The following SRPK1 variants were observed in gnomAD, a reference collection of about 807,000 sequenced individuals.
SRPK1 encodes SRSF protein kinase 1.
A neutral mutation model predicts 89.5 loss-of-function variants in SRPK1; 52 were observed. The observed-to-expected ratio is 0.58, with a 90% CI of 0.46 to 0.73. The LOEUF is 0.73. SRPK1 is among the 30% of genes least tolerant of loss of function. The pLI, the probability that SRPK1 is intolerant of heterozygous loss-of-function variation, is 0.00. For synonymous variants in SRPK1, 255 were observed against 270.2 expected (o/e 0.94, Z 0.55); for missense variants, 603 against 780.6 (o/e 0.77, Z 2.71).
At chr6:35,900,820 G>GT (rs1770725612) in intron 2 of SRPK1, among the ~76,000 whole-genome samples, 1 of 152,130 alleles carries the variant, frequency 6.6e-6, no homozygotes, top group Admixed American at 6.5e-5. Context: ...TTTAAAGATG[G>GT]TATGTTTGGG....
chr6:35,875,277 CAG>C (rs989015811), intron 6 of SRPK1, among the ~76,000 whole-genome samples: 1 of 144,402 alleles, frequency 6.9e-6, no homozygotes, highest in Non-Finnish European at 1.5e-5. Flanking sequence ...TTTTTTGAGA[CAG>C]AGTCTTGGCT....
chr6:35,864,475 A>C (rs922102818), intron 12 of SRPK1, among the ~76,000 whole-genome samples: 3 of 152,224 alleles, frequency 2.0e-5, no homozygotes, highest in Non-Finnish European at 4.4e-5. Flanking sequence ...CCATCAGAGA[A>C]AGGCAAATCA....
intron 14 of SRPK1, 94 bp from the exon 15 acceptor site, chr6:35,838,523 G>A: frequency 7.7e-7 from 1 of 1,306,470 alleles, no homozygotes; most frequent in Non-Finnish European, 1.1e-6. Flanking sequence ...GGAGCAGCAT[G>A]CACATCTCTT....
In SRPK1 at chr6:35,915,991, A is replaced by AAAT. The variant is rs1433969114; in HGVS notation, c.74+4476_74+4477insATT. 1.0e-2 allele frequency among the ~76,000 whole-genome samples: 861 copies of AAAT among 86,104 alleles called. 29 individuals are homozygous for AAAT. The highest frequency in any genetic ancestry group is 0.013 in the Non-Finnish European group (602 of 47,202). The allele number at this position is 86,104 out of a possible 152,430, so 56.5% of individuals were successfully genotyped here. ...TGTCTCAAAAACAAAAAAAAAAAAA[A>AAAT]ATATATACACACACACACACACACA... On this transcript the variant is annotated intron_variant, in intron 2 of 15. Transcript: ENST00000373825.
At chr6:35,850,835 T>C (rs913316506) in intron 13 of SRPK1, among the ~76,000 whole-genome samples, 2 of 152,038 alleles carry the variant, frequency 1.3e-5, no homozygotes, top group Non-Finnish European at 2.9e-5. Flanking sequence ...AATAAAGTAG[T>C]CAGGAAGACA....
chr6:35,904,451 T>C (rs950659059), intron 2 of SRPK1, among the ~76,000 whole-genome samples: 1 of 152,158 alleles, frequency 6.6e-6, no homozygotes, highest in Non-Finnish European at 1.5e-5. Context: ...AGAGATTACA[T>C]ACTACAGGCT....
chr6:35,857,399 C>T, intron 12 of SRPK1, 31 bp from the exon 13 acceptor site: 1 of 1,514,776 alleles, frequency 6.6e-7, no homozygotes, highest in South Asian at 1.2e-5. Flanking sequence ...ATATTTTAAA[C>T]TTCATTCTAA....
chr6:35,902,925 A>G lies in SRPK1; in HGVS notation c.75-11912T>C, dbSNP rs1770775310. Among the ~76,000 whole-genome samples the G allele has an allele frequency of 2.0e-5, 3 of 152,210 alleles. No individual in the cohort carries two copies. In the South Asian group the frequency reaches 6.2e-4, roughly 32 times the overall value. On this transcript the variant is annotated intron_variant, in intron 2 of 15. Coordinates refer to ENST00000373825, the MANE Select transcript of SRPK1 (RefSeq NM_003137.5). ...TAGAAAAAACCTGGCATCTCTGATC[A>G]AATTGCTAAGTGGAGGCACATCAAA...
intron 12 of SRPK1, among the ~76,000 whole-genome samples, chr6:35,862,624 T>C (rs1769803211): frequency 6.6e-6 from 1 of 151,936 alleles, no homozygotes; most frequent in Admixed American, 6.6e-5. Flanking sequence ...AACAAGTAAA[T>C]ATGACAGCAC....
At chr6:35,871,282 C>T (rs1770030922) in intron 8 of SRPK1, among the ~76,000 whole-genome samples, 1 of 152,146 alleles carries the variant, frequency 6.6e-6, no homozygotes, top group Admixed American at 6.5e-5. Context: ...ACCTCTTCAC[C>T]TCAAATGCTA....
intron 12 of SRPK1, among the ~76,000 whole-genome samples, chr6:35,859,385 A>T (rs1769729553): frequency 6.6e-6 from 1 of 152,162 alleles, no homozygotes; most frequent in African/African-American, 2.4e-5. Flanking sequence ...ATGATTGATA[A>T]GCAAAAAAAG....
At chr6:35,913,920 A>ATAACAAGC (rs1356277140) in intron 2 of SRPK1, among the ~76,000 whole-genome samples, 4 of 151,728 alleles carry the variant, frequency 2.6e-5, no homozygotes, top group African/African-American at 9.7e-5. Flanking sequence ...TGAAGGACCT[A>ATAACAAGC]TAACAAGCTG....
rs1242842408 is a variant in SRPK1 at position 35,842,187 on chromosome 6, T to C, written c.1690+348A>G. Among the ~76,000 whole-genome samples the C allele has an allele frequency of 7.2e-5, 11 of 152,112 alleles. No homozygotes were observed. In the South Asian group the frequency reaches 2.1e-3, roughly 29 times the overall value. On this transcript the variant is annotated intron_variant, in intron 14 of 15. Coordinates refer to ENST00000373825, the MANE Select transcript of SRPK1 (RefSeq NM_003137.5). ...TAAAATAACTGACCTCTAAATAAAT[T>C]TGGAGGCATAATTGAGCAACAGGTT...
chr6:35,883,484 T>G (rs1177650706), intron 6 of SRPK1, among the ~76,000 whole-genome samples: 1 of 152,104 alleles, frequency 6.6e-6, no homozygotes, highest in Admixed American at 6.5e-5. Context: ...AAACATAAAA[T>G]AGGATTGTAA....
At chr6:35,915,993 TATATACACACAC>T (rs1771088642) in intron 2 of SRPK1, among the ~76,000 whole-genome samples, 3 of 51,210 alleles carry the variant, frequency 5.9e-5, no homozygotes, top group African/African-American at 2.4e-4. Context: ...AAAAAAAAAA[TATATACACACAC>T]ACACACACAC....
intron 2 of SRPK1, among the ~76,000 whole-genome samples, chr6:35,899,209 C>T (rs1770690102): frequency 6.6e-6 from 1 of 152,106 alleles, no homozygotes; most frequent in African/African-American, 2.4e-5. Context: ...AATTAGGCAA[C>T]CACTATACTC....
intron 6 of SRPK1, among the ~76,000 whole-genome samples, chr6:35,881,165 C>T (rs1430534953): frequency 6.6e-6 from 1 of 151,940 alleles, no homozygotes; most frequent in Non-Finnish European, 1.5e-5. Context: ...GAGTTCATTA[C>T]CAGATGTGCC....
At chr6:35,904,675 T>C (rs779462210) in intron 2 of SRPK1, among the ~76,000 whole-genome samples, 6 of 151,846 alleles carry the variant, frequency 4.0e-5, no homozygotes, top group Non-Finnish European at 5.9e-5. Flanking sequence ...GGTGCGTGCC[T>C]GTAATCCCAG....
At chr6:35,891,560 G>A (rs2395643) in intron 2 of SRPK1, among the ~76,000 whole-genome samples, 51,226 of 151,226 alleles carry the variant, frequency 0.34, 8,873 homozygotes, top group South Asian at 0.45. Context: ...TCTCTACTAA[G>A]GAAACAAAAA....
Sources: gnomAD v4.1 joint callset for allele counts (sites outside exome capture counted in the v4.1 genomes callset) on GRCh38, gnomAD v4.1.1 for gene constraint, MANE v1.5 for transcripts, NCBI Gene and HGNC (gene_info 2026-07-23, HGNC 2026-07-21) for gene names.